Variants in NME9 observed in about 807,000 individuals in gnomAD.
The protein encoded by NME9 is NME/NM23 family member 9.
NME9 carries 48 observed loss-of-function variants against 44.4 expected under a neutral mutation model. The observed-to-expected ratio is 1.08, with a 90% CI of 0.86 to 1.37. The LOEUF is 1.37. NME9 is among the 40% of genes most tolerant of loss of function. NME9 has a pLI of 0.00. For missense variants in NME9, 325 were observed against 405.2 expected, an observed-to-expected ratio of 0.80 and a Z score of 1.70; for synonymous variants, 139 against 147.1, an observed-to-expected ratio of 0.94 and a Z score of 0.40.
At chr3:138,306,539 A>C in intron 6 of NME9, 59 bp from the exon 7 acceptor site, 1 of 1,025,464 alleles carries the variant, frequency 9.8e-7, no homozygotes, top group Non-Finnish European at 1.5e-6. Flanking sequence ...GAGGCCATCC[A>C]CAAAAAACAA....
Position 138,302,777 on chromosome 3 carries a change from A to C in NME9, c.928+730T>G, listed in dbSNP as rs567256254. 1.6e-4 allele frequency among the ~76,000 whole-genome samples: 25 copies of C among 152,268 alleles called. No homozygotes were observed. The South Asian group carries it at 4.4e-3, about 27-fold the overall frequency. ...GACACACATTTCAGATGTGAATGTG[A>C]CCTCCCGAGAATCCAACCCTCACAT... On this transcript the variant is annotated intron_variant, in intron 10 of 10. Coordinates refer to ENST00000333911, the MANE Select transcript of NME9 (RefSeq NM_001349018.2).
intron 6 of NME9, among the ~76,000 whole-genome samples, chr3:138,308,811 A>C (rs1275323285): frequency 6.6e-6 from 1 of 152,174 alleles, no homozygotes; most frequent in Non-Finnish European, 1.5e-5. Flanking sequence ...AGTATGTTTG[A>C]AGTCAAGTGA....
At position 138,319,506 on chromosome 3, in the gene NME9, A is replaced by G. The variant is rs2053324980; in HGVS notation, c.167T>C (p.Val56Ala). Residue 56 changes from valine (V) to alanine (A), a missense_variant, in exon 3 of 11, where the codon GTC becomes GCC. Coordinates refer to ENST00000333911, the MANE Select transcript of NME9 (RefSeq NM_001349018.2). ...VSLFQKMRIE[V>A]GLDLLHFALA... The stretch of plus-strand genomic sequence containing the variant: ...TGCAAAGTGCAGAAGGTCCAGGCCG[A>G]CCTCGATCCTCATCTTCTGGAAGAG... The G allele has an allele frequency of 6.2e-7, 1 of 1,612,248 alleles. No individual in the cohort carries two copies. Among genetic ancestry groups the G allele is most frequent in the Non-Finnish European group, 8.5e-7 (1 of 1,178,334 alleles).
chr3:138,316,805 G>A (rs190652190), intron 4 of NME9, among the ~76,000 whole-genome samples: 185 of 152,236 alleles, frequency 1.2e-3, no homozygotes, highest in African/African-American at 4.0e-3. Context: ...AGCAGAGACG[G>A]CGTTTCACCA....
chr3:138,323,661 A>C (rs1392893950), intron 2 of NME9, among the ~76,000 whole-genome samples: 1 of 152,232 alleles, frequency 6.6e-6, no homozygotes, highest in Non-Finnish European at 1.5e-5. Flanking sequence ...GTGATGGGCC[A>C]TGATATCCCA....
downstream of NME9, chr3:138,298,196 C>T (rs2051650699): frequency 6.6e-6 from 1 of 152,208 alleles, no homozygotes; most frequent in South Asian, 2.1e-4. Context: ...ATACTGCATT[C>T]TGTTTCTCCT....
At chr3:138,262,305 T>C in exon 9 of NME9, 1 of 476,576 alleles carries the variant, frequency 2.1e-6, no homozygotes, top group African/African-American at 2.0e-5. Flanking sequence ...TGGAATTAGG[T>C]TTGGTCTAGG....
chr3:138,301,765 C>T, intron 10 of NME9, 61 bp from the exon 11 acceptor site: 1 of 1,307,178 alleles, frequency 7.7e-7, no homozygotes, highest in Non-Finnish European at 1.1e-6. Flanking sequence ...ACCTTCTGTC[C>T]CACCCACCAT....
intron 8 of NME9, among the ~76,000 whole-genome samples, chr3:138,276,516 G>C (rs1292268737): frequency 2.0e-5 from 3 of 152,140 alleles, no homozygotes; most frequent in African/African-American, 7.2e-5. Flanking sequence ...GGAAAGGACA[G>C]TATGAATGCC....
At chr3:138,273,210 A>G in intron 8 of NME9, 6 of 1,276,406 alleles carry the variant, frequency 4.7e-6, no homozygotes, top group Non-Finnish European at 6.4e-6. Flanking sequence ...ACATCTGCCC[A>G]TGAGTGTGAT....
chr3:138,322,408 G>A (rs1450644278), intron 2 of NME9, among the ~76,000 whole-genome samples: 1 of 152,008 alleles, frequency 6.6e-6, no homozygotes, highest in Non-Finnish European at 1.5e-5. Flanking sequence ...CAGAGAGGAA[G>A]TGTTTGATTT....
At chr3:138,310,290 T>C (rs1237108451) in intron 6 of NME9, among the ~76,000 whole-genome samples, 6 of 151,800 alleles carry the variant, frequency 4.0e-5, no homozygotes, top group African/African-American at 1.5e-4. Flanking sequence ...AAGGGAAAGA[T>C]AGACTGCAAT....
In NME9 at chr3:138,290,786, C is replaced by T. The variant is rs146288361; in HGVS notation, c.745+12721G>A. ...TCATAATTTTCTATGAGCCACTGTA[C>T]GACATTTGAGTGAGCTGTAAACTAA... On this transcript the variant is annotated intron_variant, in intron 8 of 8. Coordinates refer to the NME9 transcript ENST00000317876. 1.8e-3 allele frequency: 1,145 copies of T among 624,512 alleles called. 3 individuals are homozygous for T. Among genetic ancestry groups the T allele is most frequent in the South Asian group, 5.4e-3 (264 of 49,292 alleles). The allele number at this position is 624,512 out of a possible 1,614,324, so 38.7% of individuals were successfully genotyped here.
chr3:138,315,837 T>G (rs948096751), intron 4 of NME9, among the ~76,000 whole-genome samples, 194 bp from the exon 5 acceptor site: 1 of 152,052 alleles, frequency 6.6e-6, no homozygotes, highest in Admixed American at 6.6e-5. Flanking sequence ...TTTGTTTGTT[T>G]GTTTGTTTGT....
downstream of NME9, among the ~76,000 whole-genome samples, chr3:138,300,584 C>G (rs1017299954): frequency 2.6e-5 from 4 of 152,188 alleles, no homozygotes; most frequent in Admixed American, 6.5e-5. Flanking sequence ...CTACTTTTTA[C>G]TGAAATCCTG....
intron 8 of NME9, among the ~76,000 whole-genome samples, chr3:138,276,968 T>G (rs1203145106): frequency 2.6e-5 from 4 of 152,128 alleles, no homozygotes; most frequent in Admixed American, 1.3e-4. Flanking sequence ...CAAAACAGTT[T>G]GGAAGAAAAA....
chr3:138,304,139 G>A (rs184403886), intron 9 of NME9, among the ~76,000 whole-genome samples: 75 of 152,252 alleles, frequency 4.9e-4, no homozygotes, highest in African/African-American at 1.8e-3. Flanking sequence ...TCATATCCCC[G>A]TTTTACAGTT....
intron 2 of NME9, chr3:138,324,643 C>G (rs1305574829): frequency 1.6e-6 from 1 of 636,322 alleles, no homozygotes; most frequent in South Asian, 1.5e-5. Flanking sequence ...CCAAACAACC[C>G]TAAGTACTGA....
At position 138,329,778 on chromosome 3, in the gene NME9, G is replaced by C; in HGVS notation, c.-443C>G. On this transcript the variant is annotated 5_prime_UTR_variant, in exon 1 of 11. Coordinates refer to ENST00000333911, the MANE Select transcript of NME9 (RefSeq NM_001349018.2). ...ACTGGGAAAGTGAGCCACTGCGAAC[G>C]ACAGGTACAAGATCTTCGACGCGCC... 1 of 994,538 alleles carries C rather than the reference G, an allele frequency of 1.0e-6. No individual in the cohort carries two copies. Among genetic ancestry groups the C allele is most frequent in the Non-Finnish European group, 1.2e-6 (1 of 835,854 alleles). 61.6% of individuals were successfully genotyped at this position (994,538 alleles called of 1,614,324 possible).
Sources: gnomAD v4.1 joint callset for allele counts (sites outside exome capture counted in the v4.1 genomes callset) on GRCh38, gnomAD v4.1.1 for gene constraint, MANE v1.5 for transcripts, NCBI Gene and HGNC (gene_info 2026-07-23, HGNC 2026-07-21) for gene names.